The following CHCHD6 variants were observed in gnomAD, a reference collection of about 807,000 sequenced individuals.
The protein encoded by CHCHD6 is MICOS complex subunit MIC25.
A neutral mutation model predicts 32.3 loss-of-function variants in CHCHD6; 28 were observed. The observed-to-expected ratio is 0.87, with a 90% CI of 0.64 to 1.19. The LOEUF (loss-of-function observed/expected upper bound fraction) is 1.19, where lower values mean the gene tolerates loss of function less well. Ranked by LOEUF, CHCHD6 falls within the 50% of genes most tolerant of loss-of-function variation. The pLI, the probability that CHCHD6 is intolerant of heterozygous loss-of-function variation, is 0.00. For missense variants in CHCHD6, 333 were observed against 307.0 expected (o/e 1.08, Z -0.63); for synonymous variants, 122 against 117.5 (o/e 1.04, Z -0.25).
chr3:126,750,101 G>A (rs1936667436), intron 4 of CHCHD6, among the ~76,000 whole-genome samples: 1 of 152,144 alleles, frequency 6.6e-6, no homozygotes, highest in African/African-American at 2.4e-5. Flanking sequence ...CTCCATACCT[G>A]GGCTTGAATC....
chr3:126,897,581 T>A (rs1481818376), intron 5 of CHCHD6, among the ~76,000 whole-genome samples: 6 of 152,226 alleles, frequency 3.9e-5, no homozygotes, highest in Non-Finnish European at 8.8e-5. Context: ...TTTAAATCTT[T>A]CCTCCACTAC....
chr3:126,910,191 A>T (rs2078066607), intron 5 of CHCHD6, among the ~76,000 whole-genome samples: 1 of 149,348 alleles, frequency 6.7e-6, no homozygotes, highest in Non-Finnish European at 1.5e-5. Context: ...AGGTGGAGAG[A>T]TAGCTTGAGC....
intron 4 of CHCHD6, among the ~76,000 whole-genome samples, chr3:126,838,045 C>T (rs955666743): frequency 6.6e-6 from 1 of 152,126 alleles, no homozygotes; most frequent in African/African-American, 2.4e-5. Context: ...GGAGCAGTGT[C>T]AGCACTGCAG....
intron 5 of CHCHD6, among the ~76,000 whole-genome samples, chr3:126,877,131 A>G (rs1454197319): frequency 6.6e-6 from 1 of 152,242 alleles, no homozygotes; most frequent in East Asian, 1.9e-4. Flanking sequence ...AAAGAAACTC[A>G]GGAAGGAGAA....
rs146600403 is a variant in CHCHD6 at position 126,827,937 on chromosome 3, A to G, written c.412-24710A>G. Among the ~76,000 whole-genome samples, 13 of 152,186 alleles carry G rather than the reference A, an allele frequency of 8.5e-5. No individual in the cohort carries two copies. In the East Asian group the frequency reaches 2.5e-3, roughly 29 times the overall value. On this transcript the variant is annotated intron_variant, in intron 4 of 7. Transcript: ENST00000290913. ...TCATGGCACACTGTAGCTTCCTCCT[A>G]TTTGGCTCTCTCCTCCCTGTGCCCC...
At chr3:126,782,936 A>T (rs1465633040) in intron 4 of CHCHD6, among the ~76,000 whole-genome samples, 1 of 152,196 alleles carries the variant, frequency 6.6e-6, no homozygotes, top group Non-Finnish European at 1.5e-5. Flanking sequence ...GGGGTTCAGT[A>T]TCAATCTTTT....
chr3:126,880,413 A>C (rs925704629), intron 5 of CHCHD6, among the ~76,000 whole-genome samples: 1 of 152,164 alleles, frequency 6.6e-6, no homozygotes, highest in Non-Finnish European at 1.5e-5. Flanking sequence ...ATCAGAAAAC[A>C]AGATGCAAAA....
intron 5 of CHCHD6, among the ~76,000 whole-genome samples, chr3:126,854,039 T>A (rs950090970): frequency 6.6e-6 from 1 of 152,196 alleles, no homozygotes; most frequent in Non-Finnish European, 1.5e-5. Flanking sequence ...TATCTCTGTT[T>A]CAGGCAGAAA....
intron 5 of CHCHD6, among the ~76,000 whole-genome samples, chr3:126,887,265 A>G (rs942127767): frequency 6.6e-6 from 1 of 150,686 alleles, no homozygotes; most frequent in Non-Finnish European, 1.5e-5. Context: ...TTTTTTTTTT[A>G]ATCTATAGAG....
In CHCHD6 at chr3:126,766,572, C is replaced by T. The variant is rs149430909; in HGVS notation, c.411+33350C>T. On this transcript the variant is annotated intron_variant, in intron 4 of 7. Coordinates refer to ENST00000290913, the MANE Select transcript of CHCHD6 (RefSeq NM_032343.3). ...AAATGCCATCCAGAGTCTTCACCTC[C>T]TGGGCTGCAGTGGAAGACTTGGGCT... is the stretch of plus-strand genomic sequence containing the variant. 2.6e-3 allele frequency: 2,996 copies of T among 1,168,002 alleles called. 54 individuals carry two copies. In the African/African-American group the frequency reaches 0.037, roughly 14 times the overall value. The allele number at this position is 1,168,002 out of a possible 1,614,324, so 72.4% of individuals were successfully genotyped here.
At chr3:126,831,028 C>CT (rs543053558) in intron 4 of CHCHD6, among the ~76,000 whole-genome samples, 21,499 of 145,726 alleles carry the variant, frequency 0.15, 1,698 homozygotes, top group Middle Eastern at 0.25. Context: ...TGCCAGTCTT[C>CT]TTTTTTTTTT....
chr3:126,951,105 C>T (rs889665081), intron 6 of CHCHD6, among the ~76,000 whole-genome samples: 7 of 152,134 alleles, frequency 4.6e-5, no homozygotes, highest in Admixed American at 3.3e-4. Context: ...GTGGTTCCCC[C>T]GGGCTGTTCT....
chr3:126,762,790 T>C (rs1178139768), intron 4 of CHCHD6, among the ~76,000 whole-genome samples: 1 of 152,218 alleles, frequency 6.6e-6, no homozygotes, highest in Admixed American at 6.5e-5. Flanking sequence ...ATCTTCTTGA[T>C]GAATTGACCC....
At chr3:126,796,413 C>T (rs540614210) in intron 4 of CHCHD6, among the ~76,000 whole-genome samples, 30 of 152,260 alleles carry the variant, frequency 2.0e-4, no homozygotes, top group African/African-American at 6.7e-4. Context: ...CTTTTCCCCC[C>T]GGGATTGCCT....
intron 4 of CHCHD6, among the ~76,000 whole-genome samples, chr3:126,842,127 G>T (rs1013469504): frequency 6.6e-6 from 1 of 152,042 alleles, no homozygotes; most frequent in Admixed American, 6.6e-5. Context: ...GGCAGCATGC[G>T]CCTGTAGTAC....
chr3:126,826,291 T>C (rs915946851), intron 4 of CHCHD6, among the ~76,000 whole-genome samples: 1 of 152,218 alleles, frequency 6.6e-6, no homozygotes, highest in African/African-American at 2.4e-5. Context: ...TTATAAGTGG[T>C]GAGTTCCTTG....
intron 1 of CHCHD6, among the ~76,000 whole-genome samples, chr3:126,704,928 C>A (rs925253238): frequency 6.6e-6 from 1 of 152,128 alleles, no homozygotes; most frequent in African/African-American, 2.4e-5. Flanking sequence ...TGATGCCTTC[C>A]CTGGTTCCAA....
intron 6 of CHCHD6, among the ~76,000 whole-genome samples, chr3:126,956,156 C>T (rs1425504314): frequency 6.6e-6 from 1 of 152,160 alleles, no homozygotes; most frequent in Non-Finnish European, 1.5e-5. Context: ...TCTCTCTCCA[C>T]GTACCTGGAG....
At chr3:126,940,089 A>G (rs557893792) in intron 6 of CHCHD6, among the ~76,000 whole-genome samples, 1 of 152,366 alleles carries the variant, frequency 6.6e-6, no homozygotes, top group African/African-American at 2.4e-5. Context: ...CAGAGTATAT[A>G]CATATCTTCC....
Sources: gnomAD v4.1 joint callset for allele counts (sites outside exome capture counted in the v4.1 genomes callset) on GRCh38, gnomAD v4.1.1 for gene constraint, MANE v1.5 for transcripts, NCBI Gene and HGNC (gene_info 2026-07-23, HGNC 2026-07-21) for gene names.